Variants in KAZN observed in about 807,000 individuals in gnomAD.
KAZN encodes the protein kazrin, periplakin interacting protein, also known as kazrin.
Under a neutral mutation model 87.4 loss-of-function variants are expected in KAZN, and 40 were observed. That is an observed-to-expected ratio of 0.46 (90% confidence interval 0.36 to 0.60). The LOEUF (loss-of-function observed/expected upper bound fraction) is 0.60, where lower values mean the gene tolerates loss of function less well. KAZN is among the 20% of genes least tolerant of loss of function. KAZN has a pLI of 0.00. For synonymous variants in KAZN, 466 were observed against 458.3 expected, an observed-to-expected ratio of 1.02 and a Z score of -0.22; for missense variants, 898 against 1,073.9, an observed-to-expected ratio of 0.84 and a Z score of 2.29.
chr1:14,074,173 C>A (rs970329599), intron 1 of KAZN, among the ~76,000 whole-genome samples: 1 of 152,118 alleles, frequency 6.6e-6, no homozygotes, highest in African/African-American at 2.4e-5. Flanking sequence ...TATGTTCCAT[C>A]CCCCTACCTC....
At chr1:14,323,774 A>T (rs1044602958) in intron 2 of KAZN, among the ~76,000 whole-genome samples, 2 of 152,132 alleles carry the variant, frequency 1.3e-5, no homozygotes, top group African/African-American at 4.8e-5. Context: ...TTTATTAGAG[A>T]TTCCTTAATC....
At chr1:14,762,548 AC>A (rs1195892885) in intron 1 of KAZN, among the ~76,000 whole-genome samples, 1 of 151,788 alleles carries the variant, frequency 6.6e-6, no homozygotes, top group Non-Finnish European at 1.5e-5. Flanking sequence ...ACATGGTGAA[AC>A]CCCGTCTCTA....
At chr1:14,733,089 A>T (rs1643751060) in intron 1 of KAZN, among the ~76,000 whole-genome samples, 1 of 152,094 alleles carries the variant, frequency 6.6e-6, no homozygotes. Flanking sequence ...TTCTTAGAAG[A>T]CAAGTGCGCT....
At chr1:14,772,343 GA>G (rs1645042163) in intron 1 of KAZN, among the ~76,000 whole-genome samples, 1 of 152,112 alleles carries the variant, frequency 6.6e-6, no homozygotes, top group Non-Finnish European at 1.5e-5. Context: ...AATTAGCCAG[GA>G]GTGGTGGCAT....
upstream of KAZN, among the ~76,000 whole-genome samples, chr1:14,596,308 G>GCACACACA (rs56758780): frequency 2.0e-5 from 3 of 150,190 alleles, no homozygotes; most frequent in African/African-American, 7.3e-5. Context: ...ACACGTGTGC[G>GCACACACA]CACACACACA....
chr1:14,362,091 T>C (rs2100983374), intron 2 of KAZN, among the ~76,000 whole-genome samples: 1 of 152,268 alleles, frequency 6.6e-6, no homozygotes, highest in South Asian at 2.1e-4. Flanking sequence ...TACCATAAAC[T>C]TACTGACTTA....
intron 1 of KAZN, among the ~76,000 whole-genome samples, chr1:14,616,437 C>G (rs1458027829): frequency 1.3e-5 from 2 of 151,258 alleles, no homozygotes; most frequent in East Asian, 1.9e-4. Context: ...ATGGCTTGGT[C>G]TGACTTTCTA....
At chr1:13,932,452 G>T (rs1388629609) in intron 1 of KAZN, among the ~76,000 whole-genome samples, 1 of 151,838 alleles carries the variant, frequency 6.6e-6, no homozygotes, top group Non-Finnish European at 1.5e-5. Flanking sequence ...AGTAGAGACG[G>T]GGTTTCACCG....
At chr1:14,473,727 C>T (rs1668576238) in intron 2 of KAZN, among the ~76,000 whole-genome samples, 1 of 152,092 alleles carries the variant, frequency 6.6e-6, no homozygotes, top group African/African-American at 2.4e-5. Context: ...TTCCACTTCC[C>T]TCACCATCTC....
intron 1 of KAZN, among the ~76,000 whole-genome samples, chr1:14,888,370 A>G (rs1654338627): frequency 1.3e-5 from 2 of 152,102 alleles, no homozygotes; most frequent in South Asian, 4.1e-4. Context: ...GAGTCTCTTC[A>G]AAGGGCTTCA....
rs1407476124 is a variant in KAZN at position 14,727,493 on chromosome 1, T to G, written c.226+128270T>G. 4.6e-5 allele frequency among the ~76,000 whole-genome samples: 5 copies of G among 108,444 alleles called. No homozygotes were observed. In the Admixed American group the frequency reaches 5.2e-4, roughly 11 times the overall value. 71.1% of individuals were successfully genotyped at this position (108,444 alleles called of 152,430 possible). On this transcript the variant is annotated intron_variant, in intron 1 of 14. Coordinates refer to ENST00000376030, the MANE Select transcript of KAZN (RefSeq NM_201628.3). Reference sequence around the variant, plus strand: ...TTTTTTTTTTTTTTTTTTTTTTTTTTTTTGAGAAAGAGTTTTGCTCTTGTT... The same window carrying G: ...TTTTTTTTTTTTTTTTTTTTTTTTTGTTTGAGAAAGAGTTTTGCTCTTGTT...
At chr1:14,285,008 C>G (rs572225266) in intron 2 of KAZN, among the ~76,000 whole-genome samples, 12 of 152,304 alleles carry the variant, frequency 7.9e-5, no homozygotes, top group African/African-American at 2.9e-4. Flanking sequence ...TACTTTTCCT[C>G]CCCCTGGGTT....
chr1:14,843,447 C>T (rs751968621), intron 1 of KAZN, among the ~76,000 whole-genome samples: 1 of 152,124 alleles, frequency 6.6e-6, no homozygotes, highest in South Asian at 2.1e-4. Flanking sequence ...GAGAGAAGGG[C>T]ACAGGAGGCC....
chr1:14,194,356 C>T (rs951936459), intron 2 of KAZN, among the ~76,000 whole-genome samples: 1 of 152,158 alleles, frequency 6.6e-6, no homozygotes, highest in Non-Finnish European at 1.5e-5. Flanking sequence ...TTGTCATCTT[C>T]TGTCCACCAT....
At chr1:14,299,129 A>G (rs999152969) in intron 2 of KAZN, among the ~76,000 whole-genome samples, 7 of 152,216 alleles carry the variant, frequency 4.6e-5, no homozygotes, top group African/African-American at 1.7e-4. Flanking sequence ...GGGATACAGC[A>G]GGGAAAACAC....
At chr1:14,507,487 C>A (rs1670646407) in intron 2 of KAZN, among the ~76,000 whole-genome samples, 3 of 152,150 alleles carry the variant, frequency 2.0e-5, no homozygotes, top group Admixed American at 2.0e-4. Context: ...ACCTAAAGAG[C>A]CTGTATTCCA....
chr1:14,432,889 C>T (rs1666157773), intron 2 of KAZN, among the ~76,000 whole-genome samples: 2 of 152,148 alleles, frequency 1.3e-5, no homozygotes, highest in African/African-American at 4.8e-5. Flanking sequence ...GATGTCCCTG[C>T]AAAGGACATG....
chr1:14,459,483 T>C (rs1190947665), intron 2 of KAZN, among the ~76,000 whole-genome samples: 1 of 152,120 alleles, frequency 6.6e-6, no homozygotes, highest in African/African-American at 2.4e-5. Flanking sequence ...AAATCAAAGA[T>C]GGCGCATCGT....
chr1:14,440,172 C>G (rs1000075137), intron 2 of KAZN, among the ~76,000 whole-genome samples: 2 of 152,178 alleles, frequency 1.3e-5, no homozygotes, highest in African/African-American at 4.8e-5. Context: ...AGAATTCAGC[C>G]ACAAAGAAGG....
Sources: gnomAD v4.1 joint callset for allele counts (sites outside exome capture counted in the v4.1 genomes callset) on GRCh38, gnomAD v4.1.1 for gene constraint, MANE v1.5 for transcripts, NCBI Gene and HGNC (gene_info 2026-07-23, HGNC 2026-07-21) for gene names.